MAML3: variants seen among roughly 807,000 people sequenced by gnomAD.
The protein encoded by MAML3 is mastermind like transcriptional coactivator 3.
In MAML3, 27 loss-of-function variants were observed where a neutral mutation model predicts 101.9. That is an observed-to-expected ratio of 0.27 (90% CI 0.20 to 0.37). The LOEUF is 0.37. MAML3 is among the 10% of genes least tolerant of loss of function. The pLI, the probability that MAML3 is intolerant of heterozygous loss-of-function variation, is 1.00. For missense variants in MAML3, 1,316 were observed against 1,444.9 expected (o/e 0.91, Z 1.45); for synonymous variants, 501 against 555.9 (o/e 0.90, Z 1.39).
At chr4:139,967,399 C>A (rs1465011332) in intron 1 of MAML3, among the ~76,000 whole-genome samples, 1 of 151,180 alleles carries the variant, frequency 6.6e-6, no homozygotes, top group Admixed American at 6.6e-5. Context: ...ACCCTATTTC[C>A]CTGTGGCCTA....
intron 2 of MAML3, among the ~76,000 whole-genome samples, chr4:139,825,686 G>A (rs1439633859): frequency 2.0e-5 from 3 of 151,870 alleles, no homozygotes; most frequent in Admixed American, 6.6e-5. Flanking sequence ...AATTTGCAGC[G>A]CGAGGTACAA....
chr4:139,857,914 TCTC>T (rs1294372741), intron 2 of MAML3, among the ~76,000 whole-genome samples: 2 of 152,152 alleles, frequency 1.3e-5, no homozygotes, highest in Non-Finnish European at 2.9e-5. Flanking sequence ...AATTTCTTTC[TCTC>T]TCTCAAGTGT....
intron 2 of MAML3, among the ~76,000 whole-genome samples, chr4:139,750,003 T>C (rs1298974653): frequency 6.6e-6 from 1 of 151,874 alleles, no homozygotes. Flanking sequence ...GGATTATTCA[T>C]GTCACTAGAG....
chr4:140,106,240 C>T (rs1249749274), intron 1 of MAML3, among the ~76,000 whole-genome samples: 3 of 152,090 alleles, frequency 2.0e-5, no homozygotes, highest in African/African-American at 7.2e-5. Context: ...TTAGACATTC[C>T]CTGCTTGGAA....
chr4:139,955,768 A>C (rs1216911828), intron 1 of MAML3, among the ~76,000 whole-genome samples: 1 of 152,096 alleles, frequency 6.6e-6, no homozygotes, highest in African/African-American at 2.4e-5. Context: ...GTTAACTGGG[A>C]GTCATGTTAC....
rs76465337 is a variant in MAML3, at chr4:139,988,789, T to C, written c.469-97822A>G. On this transcript the variant is annotated intron_variant, in intron 1 of 4. Transcript: ENST00000509479. ...GTATGTAAACTTCATCTCAATAAAA[T>C]TGAGGTTAAACACTCTGGACTAACA... Among the ~76,000 whole-genome samples the C allele has an allele frequency of 4.8e-3, 726 of 152,334 alleles. 6 individuals carry two copies. Among genetic ancestry groups the C allele is most frequent in the African/African-American group, 0.016 (680 of 41,578 alleles).
chr4:140,100,182 G>A (rs1237855390), intron 1 of MAML3, among the ~76,000 whole-genome samples: 3 of 152,002 alleles, frequency 2.0e-5, no homozygotes, highest in Admixed American at 6.6e-5. Context: ...CATCTGTAGA[G>A]ATCACTGTCT....
intron 1 of MAML3, among the ~76,000 whole-genome samples, chr4:140,138,296 A>G (rs1178848008): frequency 2.0e-5 from 3 of 152,264 alleles, no homozygotes; most frequent in Admixed American, 2.0e-4. Flanking sequence ...AGAATTAAGT[A>G]GCATGAAATC....
At chr4:140,128,970 G>C (rs1282725615) in intron 1 of MAML3, among the ~76,000 whole-genome samples, 1 of 152,094 alleles carries the variant, frequency 6.6e-6, no homozygotes, top group Non-Finnish European at 1.5e-5. Flanking sequence ...TCTCCTTCTA[G>C]GACCAACATC....
At chr4:139,783,569 C>G (rs974836074) in intron 2 of MAML3, among the ~76,000 whole-genome samples, 2 of 152,232 alleles carry the variant, frequency 1.3e-5, no homozygotes, top group Non-Finnish European at 2.9e-5. Context: ...AGCCCCTGGA[C>G]TCCAACGTGC....
intron 2 of MAML3, among the ~76,000 whole-genome samples, chr4:139,732,553 A>G (rs1275211669): frequency 6.7e-6 from 1 of 148,878 alleles, no homozygotes; most frequent in Admixed American, 6.8e-5. Flanking sequence ...TGGAAGACAC[A>G]GAACTAGCAG....
At chr4:139,776,896 T>C (rs985625773) in intron 2 of MAML3, among the ~76,000 whole-genome samples, 8 of 152,128 alleles carry the variant, frequency 5.3e-5, no homozygotes, top group African/African-American at 7.2e-5. Context: ...AAAAAACTTA[T>C]AGGGGCACAG....
chr4:139,739,696 T>G (rs13120771), intron 2 of MAML3, among the ~76,000 whole-genome samples: 1 of 137,104 alleles, frequency 7.3e-6, no homozygotes, highest in Non-Finnish European at 1.6e-5. Flanking sequence ...TTTTTTTTTC[T>G]TTTATGTCCT....
At chr4:139,942,474 T>C (rs1229587181) in intron 1 of MAML3, among the ~76,000 whole-genome samples, 1 of 152,118 alleles carries the variant, frequency 6.6e-6, no homozygotes, top group African/African-American at 2.4e-5. Context: ...CATAACACTG[T>C]CCAGAGGAAC....
intron 1 of MAML3, among the ~76,000 whole-genome samples, chr4:139,904,401 G>A (rs1732779235): frequency 6.6e-6 from 1 of 152,216 alleles, no homozygotes; most frequent in South Asian, 2.1e-4. Context: ...TGGGTGCTGG[G>A]TTCTGTATCA....
At chr4:140,056,230 A>G (rs760870819) in intron 1 of MAML3, among the ~76,000 whole-genome samples, 2 of 152,220 alleles carry the variant, frequency 1.3e-5, no homozygotes, top group Non-Finnish European at 2.9e-5. Context: ...TCAGAGTAAG[A>G]AATCACCTCT....
chr4:140,010,038 A>C (rs1726521441), intron 1 of MAML3, among the ~76,000 whole-genome samples: 1 of 152,234 alleles, frequency 6.6e-6, no homozygotes, highest in African/African-American at 2.4e-5. Flanking sequence ...GGGTGCTTCC[A>C]CATCCAAAAA....
chr4:140,129,565 G>A (rs907509542), intron 1 of MAML3, among the ~76,000 whole-genome samples: 4 of 152,170 alleles, frequency 2.6e-5, no homozygotes, highest in African/African-American at 4.8e-5. Context: ...GTCTCAGTCT[G>A]CCAGAGAGAC....
chr4:139,920,888 TG>T (rs1733119473), intron 1 of MAML3, among the ~76,000 whole-genome samples: 1 of 152,162 alleles, frequency 6.6e-6, no homozygotes, highest in African/African-American at 2.4e-5. Flanking sequence ...AAGACTGGTT[TG>T]GGCTCAGCTA....
Sources: allele counts gnomAD v4.1 joint callset (sites outside exome capture counted in the v4.1 genomes callset), GRCh38; gene constraint gnomAD v4.1.1; transcripts MANE v1.5; gene names NCBI Gene and HGNC (gene_info 2026-07-23, HGNC 2026-07-21).